BAIAP2L1: variants seen among roughly 807,000 people sequenced by gnomAD.
BAIAP2L1 encodes the protein BAR/IMD domain-containing adapter protein 2-like 1.
In BAIAP2L1, 35 loss-of-function variants were observed where a neutral mutation model predicts 66.3. The ratio of observed to expected loss-of-function variants is 0.53; its 90% CI spans 0.40 to 0.70. BAIAP2L1 has a LOEUF of 0.70. BAIAP2L1 is among the 30% of genes least tolerant of loss of function. BAIAP2L1 has a pLI of 0.00. For synonymous variants in BAIAP2L1, 269 were observed against 248.7 expected (o/e 1.08, Z -0.77); for missense variants, 622 against 656.9 (o/e 0.95, Z 0.58).
intron 1 of BAIAP2L1, among the ~76,000 whole-genome samples, chr7:98,367,595 A>G (rs1448688749): frequency 3.6e-5 from 5 of 138,950 alleles, no homozygotes; most frequent in Non-Finnish European, 6.1e-5. Context: ...GAGTGCAGTG[A>G]CGCAATCTCG....
intron 1 of BAIAP2L1, among the ~76,000 whole-genome samples, chr7:98,372,569 G>GT (rs1194651840): frequency 6.6e-6 from 1 of 151,976 alleles, no homozygotes; most frequent in Non-Finnish European, 1.5e-5. Context: ...GGCTTGTAAC[G>GT]TATGTATCCT....
At chr7:98,381,904 C>T (rs534082756) in intron 1 of BAIAP2L1, among the ~76,000 whole-genome samples, 107 of 149,738 alleles carry the variant, frequency 7.1e-4, no homozygotes, top group South Asian at 2.1e-3. Context: ...CTACCCCCAC[C>T]CACATTAGGG....
intron 3 of BAIAP2L1, among the ~76,000 whole-genome samples, chr7:98,346,622 T>C (rs1339720237): frequency 6.6e-5 from 10 of 152,136 alleles, no homozygotes; most frequent in Non-Finnish European, 1.2e-4. Context: ...GATTAGACAG[T>C]TGCAGTAATT....
intron 1 of BAIAP2L1, among the ~76,000 whole-genome samples, chr7:98,392,467 G>C (rs981997090): frequency 2.6e-5 from 4 of 152,242 alleles, no homozygotes; most frequent in African/African-American, 9.6e-5. Context: ...GAGCAAACAG[G>C]CTTTAAAATG....
At chr7:98,294,974 CAG>C (rs1342758314) in intron 12 of BAIAP2L1, among the ~76,000 whole-genome samples, 4 of 152,218 alleles carry the variant, frequency 2.6e-5, no homozygotes, top group South Asian at 2.1e-4. Context: ...TGCCTGCACA[CAG>C]GGAGTGGAGT....
chr7:98,315,915 G>A (rs1801063198), intron 6 of BAIAP2L1, among the ~76,000 whole-genome samples: 1 of 152,174 alleles, frequency 6.6e-6, no homozygotes, highest in South Asian at 2.1e-4. Context: ...AGCACCACGG[G>A]CTTTGGAACC....
At chr7:98,300,574 C>T (rs767970112) in intron 12 of BAIAP2L1, among the ~76,000 whole-genome samples, 5 of 152,272 alleles carry the variant, frequency 3.3e-5, no homozygotes, top group East Asian at 1.9e-4. Context: ...TCTAACCTGC[C>T]GTGGGCCTTG....
chr7:98,400,780 G>C lies in BAIAP2L1; in HGVS notation c.51+22C>G. ...CGAGGTGGAAAGCCCTGACCTCCCT[G>C]AGCCCCGGGCCCTGGGCTTACCCGG... is the stretch of plus-strand genomic sequence containing the variant. On this transcript the variant is annotated intron_variant, in intron 1 of 13. Coordinates refer to ENST00000005260, the MANE Select transcript of BAIAP2L1 (RefSeq NM_018842.5). 3 of 1,549,124 alleles carry C rather than the reference G, an allele frequency of 1.9e-6. No individual in the cohort carries two copies. In the South Asian group the frequency reaches 3.6e-5, roughly 18 times the overall value.
At chr7:98,302,219 G>A (rs917343459) in intron 12 of BAIAP2L1, among the ~76,000 whole-genome samples, 1 of 152,112 alleles carries the variant, frequency 6.6e-6, no homozygotes, top group Non-Finnish European at 1.5e-5. Context: ...GAATGGCGGC[G>A]ACAGTACTTT....
intron 12 of BAIAP2L1, among the ~76,000 whole-genome samples, chr7:98,302,711 A>G (rs1475218360): frequency 6.6e-6 from 1 of 152,222 alleles, no homozygotes; most frequent in East Asian, 1.9e-4. Flanking sequence ...GTAGCTAGAA[A>G]AGGCCTCACG....
chr7:98,361,881 G>A (rs868865589), intron 2 of BAIAP2L1, among the ~76,000 whole-genome samples: 3 of 151,970 alleles, frequency 2.0e-5, no homozygotes, highest in Non-Finnish European at 2.9e-5. Context: ...GACTACAGGC[G>A]CGCACCACCA....
chr7:98,392,119 G>T (rs1803060371), intron 1 of BAIAP2L1, among the ~76,000 whole-genome samples: 1 of 148,246 alleles, frequency 6.7e-6, no homozygotes, highest in African/African-American at 2.5e-5. Flanking sequence ...GATCACTGGA[G>T]CCCAGGAGTT....
chr7:98,343,412 C>A (rs759979992), intron 3 of BAIAP2L1, among the ~76,000 whole-genome samples: 3 of 152,174 alleles, frequency 2.0e-5, no homozygotes, highest in Middle Eastern at 6.8e-3. Context: ...GATCACGCCA[C>A]TGCACTCCAG....
At position 98,296,450 on chromosome 7, in the gene BAIAP2L1, ACC is replaced by A. The variant is rs371584857; in HGVS notation, c.1423-2341_1423-2340del. Among the ~76,000 whole-genome samples the A allele has an allele frequency of 5.1e-4, 78 of 152,164 alleles. 1 individual carries two copies. Among genetic ancestry groups the A allele is most frequent in the African/African-American group, 1.9e-3 (77 of 41,526 alleles). ...AGACCAGCCTGACCAACATGGAGAA[ACC>A]CCGTCTCTACTAAAAATACAAAATT... On this transcript the variant is annotated intron_variant, in intron 12 of 13. Transcript: ENST00000005260.
At chr7:98,304,897 C>G (rs1237372971) in intron 11 of BAIAP2L1, among the ~76,000 whole-genome samples, 1 of 150,140 alleles carries the variant, frequency 6.7e-6, no homozygotes, top group Non-Finnish European at 1.5e-5. Context: ...TGGGGTTTCC[C>G]TCTTATTGTC....
At chr7:98,399,411 G>C (rs1034621491) in intron 1 of BAIAP2L1, among the ~76,000 whole-genome samples, 2 of 152,090 alleles carry the variant, frequency 1.3e-5, no homozygotes, top group African/African-American at 4.8e-5. Flanking sequence ...AAAGTTAATA[G>C]ACTCCTCTGA....
chr7:98,297,309 C>T (rs1215414374), intron 12 of BAIAP2L1, among the ~76,000 whole-genome samples: 5 of 152,246 alleles, frequency 3.3e-5, no homozygotes, highest in Non-Finnish European at 7.3e-5. Flanking sequence ...AGGGTGCCCA[C>T]CACATAGCCA....
intron 1 of BAIAP2L1, among the ~76,000 whole-genome samples, chr7:98,382,970 T>C (rs1020655584): frequency 1.3e-5 from 2 of 151,988 alleles, no homozygotes; most frequent in African/African-American, 4.8e-5. Context: ...GAGACCAGCC[T>C]GACCAACATG....
In BAIAP2L1 at chr7:98,304,295, T is replaced by C; in HGVS notation, c.1323A>G (p.Glu441=). 6.2e-7 allele frequency: 1 copy of C among 1,613,564 alleles called. No individual in the cohort carries two copies. The highest frequency in any genetic ancestry group is 2.2e-5 in the East Asian group (1 of 44,826). ...SVVIPPPDYL[E]CLSMGAAADR... is the part of the protein sequence containing the mutation. ...CGGCAGCTGCCCCCATGGACAAGCA[T>C]TCCAAGTAGTCGGGTGGGGGGATGA... The change falls in exon 12 of 14, where the codon GAA becomes GAG. Residue 441 remains glutamate, a synonymous_variant. Transcript: ENST00000005260.
Sources: allele counts gnomAD v4.1 joint callset (sites outside exome capture counted in the v4.1 genomes callset), GRCh38; gene constraint gnomAD v4.1.1; transcripts MANE v1.5; gene names NCBI Gene and HGNC (gene_info 2026-07-23, HGNC 2026-07-21).